PRUNE1: variants seen among roughly 807,000 people sequenced by gnomAD.
PRUNE1 encodes prune exopolyphosphatase 1.
Under a neutral mutation model 42.5 loss-of-function variants are expected in PRUNE1, and 25 were observed. That is an observed-to-expected ratio of 0.59 (90% CI 0.43 to 0.82). PRUNE1 has a LOEUF of 0.82. Among genes scored for constraint, PRUNE1 ranks in the 40% least tolerant of loss-of-function variants. PRUNE1 has a pLI of 0.00. For missense variants in PRUNE1, 443 were observed against 539.3 expected, an observed-to-expected ratio of 0.82 and a Z score of 1.77; for synonymous variants, 203 against 217.1, an observed-to-expected ratio of 0.93 and a Z score of 0.57.
intron 4 of PRUNE1, among the ~76,000 whole-genome samples, chr1:151,025,012 A>C (rs1263250758): frequency 6.6e-6 from 1 of 152,214 alleles, no homozygotes; most frequent in Non-Finnish European, 1.5e-5. Context: ...AGGGCAACAG[A>C]CCAAGAAGCT....
At chr1:151,027,149 T>C (rs1674896625) in intron 5 of PRUNE1, 84 bp from the exon 6 acceptor site, 1 of 905,900 alleles carries the variant, frequency 1.1e-6, no homozygotes, top group Non-Finnish European at 1.8e-6. Context: ...TTTCCTTCCT[T>C]GACCCATCTG....
At chr1:151,020,527 G>A (rs951770108) in intron 3 of PRUNE1, among the ~76,000 whole-genome samples, 21 of 151,638 alleles carry the variant, frequency 1.4e-4, no homozygotes, top group Admixed American at 4.6e-4. Context: ...CTTTGGGAGG[G>A]TGAAACAGGA....
At chr1:151,017,585 A>G (rs1674182726) in intron 1 of PRUNE1, among the ~76,000 whole-genome samples, 1 of 151,876 alleles carries the variant, frequency 6.6e-6, no homozygotes, top group South Asian at 2.1e-4. Context: ...AAATACAAAA[A>G]ATTAGCTGGG....
chr1:151,032,152 A>C (rs1402382654), intron 7 of PRUNE1, among the ~76,000 whole-genome samples: 1 of 151,964 alleles, frequency 6.6e-6, no homozygotes, highest in Non-Finnish European at 1.5e-5. Flanking sequence ...GGCTGAAGCA[A>C]GAGAATTGCT....
At chr1:151,023,756 A>T (rs1412067637) in intron 3 of PRUNE1, among the ~76,000 whole-genome samples, 1 of 151,700 alleles carries the variant, frequency 6.6e-6, no homozygotes, top group Non-Finnish European at 1.5e-5. Context: ...GATGTTGGGT[A>T]TCAAGGGTGT....
Position 151,027,288 on chromosome 1 carries a change from C to T in PRUNE1, c.735C>T (p.Gly245=), listed in dbSNP as rs374433339. The T allele has an allele frequency of 4.2e-5, 67 of 1,611,492 alleles. No individual in the cohort carries two copies. The highest frequency in any genetic ancestry group is 3.3e-4 in the Middle Eastern group (2 of 6,080). The part of the protein sequence containing the change: ...RKDQKTIYRQ[G]VKVAISAIYM... ...ACCAGAAGACTATCTATAGACAAGG[C>T]GTCAAGGTGGCCATTAGTGCAATAT... Residue 245 remains glycine (G), a synonymous_variant, in exon 6 of 8, where the codon GGC becomes GGT. Transcript: ENST00000271620.
chr1:151,025,421 G>A, intron 4 of PRUNE1, 94 bp from the exon 5 acceptor site: 1 of 1,265,632 alleles, frequency 7.9e-7, no homozygotes, highest in Non-Finnish European at 1.1e-6. Flanking sequence ...AAATCTCCTT[G>A]TGTGTGTCCA....
At position 151,016,543 on chromosome 1, in the gene PRUNE1, C is replaced by T. The variant is rs587729518; in HGVS notation, c.40-1269C>T. On this transcript the variant is annotated intron_variant, in intron 1 of 7. Transcript: ENST00000271620. ...TGAGATGGAGTTTCGCTCTTGTTGC[C>T]CAGGCTGGAGTGCAAAGGCGCAATC... Among the ~76,000 whole-genome samples, 64 of 151,892 alleles carry T rather than the reference C, an allele frequency of 4.2e-4. No individual in the cohort carries two copies. In the South Asian group the frequency reaches 0.013, roughly 32 times the overall value.
chr1:151,021,465 T>A (rs998772412), intron 3 of PRUNE1, among the ~76,000 whole-genome samples: 63 of 150,994 alleles, frequency 4.2e-4, no homozygotes, highest in African/African-American at 1.2e-3. Context: ...CAAAAAAAAA[T>A]TTTTTTTAAT....
At position 151,018,607 on chromosome 1, in the gene PRUNE1, C is replaced by G. The variant is rs757889333; in HGVS notation, c.273C>G (p.Leu91=). 3.7e-6 allele frequency: 6 copies of G among 1,614,054 alleles called. No individual in the cohort carries two copies. The highest frequency in any genetic ancestry group is 3.3e-5 in the Admixed American group (2 of 59,984). Residue 91 remains leucine, a synonymous_variant, in exon 3 of 8, where the codon CTC becomes CTG. Transcript: ENST00000271620. ...SILIFRDEID[L]HALYQAGQLT... is the part of the protein sequence containing the mutation. ...TGATTTTTCGGGATGAGATTGACCT[C>G]CATGCATTATACCAGGCTGGCCAAC...
Position 151,028,892 on chromosome 1 carries a change from A to T in PRUNE1, c.881A>T (p.Glu294Val). 3 of 1,613,886 alleles carry T rather than the reference A, an allele frequency of 1.9e-6. No individual in the cohort carries two copies. Among genetic ancestry groups the T allele is most frequent in the Non-Finnish European group, 2.5e-6 (3 of 1,179,834 alleles). ...AMTIFFNTHN[E>V]PVRQLAIFCP... ...ACTATCTTTTTCAACACTCACAATG[A>T]GCCAGTGCGGCAGTTGGCTATTTTC... is the stretch of plus-strand genomic sequence containing the variant. Residue 294 changes from glutamate to valine, a missense_variant, in exon 7 of 8, where the codon GAG becomes GTG. Physicochemically the swap from Glu to Val is moderately radical, Grantham distance 121. Transcript: ENST00000271620.
chr1:151,008,938 G>A, intron 1 of PRUNE1: 1 of 630,008 alleles, frequency 1.6e-6, no homozygotes. Context: ...TCTTGGGTCT[G>A]AATCCTGCAT....
At chr1:151,018,215 A>G in intron 2 of PRUNE1, 1 of 682,274 alleles carries the variant, frequency 1.5e-6, no homozygotes, top group Non-Finnish European at 2.6e-6. Flanking sequence ...GTTCTTGAGG[A>G]CTAAAAATTC....
chr1:151,026,892 C>G (rs1245096338), intron 5 of PRUNE1, among the ~76,000 whole-genome samples: 1 of 128,736 alleles, frequency 7.8e-6, no homozygotes, highest in African/African-American at 3.0e-5. Context: ...TCAAGTGATT[C>G]TCCTGCTTCA....
At chr1:151,025,703 C>A in intron 5 of PRUNE1, 30 bp downstream of exon 5, 1 of 1,586,018 alleles carries the variant, frequency 6.3e-7, no homozygotes, top group Non-Finnish European at 8.6e-7. Context: ...TTTTCTGCCT[C>A]CCAGATAAGA....
chr1:151,029,334 G>T (rs1016726571), intron 7 of PRUNE1, among the ~76,000 whole-genome samples: 3 of 150,990 alleles, frequency 2.0e-5, no homozygotes, highest in Non-Finnish European at 2.9e-5. Flanking sequence ...AACTCGGGAG[G>T]CTGATGCAGA....
At chr1:151,018,699 A>G (rs1419136934) in intron 3 of PRUNE1, 30 bp downstream of exon 3, 1 of 1,581,512 alleles carries the variant, frequency 6.3e-7, no homozygotes. Context: ...ATTGCTACCT[A>G]TCATGTACCA....
intron 1 of PRUNE1, among the ~76,000 whole-genome samples, chr1:151,010,639 A>G (rs1673716979): frequency 6.6e-6 from 1 of 150,944 alleles, no homozygotes; most frequent in Non-Finnish European, 1.5e-5. Context: ...GGCAAGACAT[A>G]CTGGTAGATG....
At chr1:151,028,976 C>T (rs374340441) in intron 7 of PRUNE1, 32 bp downstream of exon 7, 211 of 1,584,682 alleles carry the variant, frequency 1.3e-4, no homozygotes, top group Non-Finnish European at 1.7e-4. Context: ...AACCTAAGAG[C>T]CTTACAGAGT....
Sources: allele counts gnomAD v4.1 joint callset (sites outside exome capture counted in the v4.1 genomes callset), GRCh38; gene constraint gnomAD v4.1.1; transcripts MANE v1.5; gene names NCBI Gene and HGNC (gene_info 2026-07-23, HGNC 2026-07-21).